RCC2: variants seen among roughly 807,000 people sequenced by gnomAD.
RCC2 encodes protein RCC2.
In RCC2, 19 loss-of-function variants were observed where a neutral mutation model predicts 64.1. The observed-to-expected ratio is 0.30, with a 90% CI of 0.21 to 0.44. The LOEUF is 0.44. Among genes scored for constraint, RCC2 ranks in the 20% least tolerant of loss-of-function variants. RCC2 has a pLI of 1.00. For synonymous variants in RCC2, 325 were observed against 279.6 expected (o/e 1.16, Z -1.62); for missense variants, 508 against 710.4 (o/e 0.72, Z 3.24).
At chr1:17,425,780 C>G in intron 3 of RCC2, 96 bp from the exon 4 acceptor site, 2 of 1,321,282 alleles carry the variant, frequency 1.5e-6, no homozygotes, top group Non-Finnish European at 2.1e-6. Flanking sequence ...CCGAGGGTAC[C>G]AGGGACAGGT....
At chr1:17,413,979 ATAT>A (rs2075454270) in intron 8 of RCC2, among the ~76,000 whole-genome samples, 1 of 152,076 alleles carries the variant, frequency 6.6e-6, no homozygotes, top group Non-Finnish European at 1.5e-5. Context: ...AACCAAAGAA[ATAT>A]CCTTTGCCTG....
intron 3 of RCC2, 67 bp from the exon 4 acceptor site, chr1:17,425,751 GCCA>G (rs1381401847): frequency 1.3e-6 from 2 of 1,508,358 alleles, no homozygotes; most frequent in African/African-American, 1.4e-5. Context: ...AATGTCACTG[GCCA>G]CCAAGCAGCC....
At chr1:17,417,480 C>T (rs925346194) in intron 7 of RCC2, among the ~76,000 whole-genome samples, 1 of 152,142 alleles carries the variant, frequency 6.6e-6, no homozygotes, top group Non-Finnish European at 1.5e-5. Context: ...CCAGCCTGGC[C>T]AACACAGTGA....
chr1:17,428,602 C>G (rs928836237), intron 3 of RCC2, among the ~76,000 whole-genome samples: 1 of 152,198 alleles, frequency 6.6e-6, no homozygotes, highest in South Asian at 2.1e-4. Flanking sequence ...CCAAAGGTAA[C>G]TGGGGACAAA....
chr1:17,416,876 C>T (rs1212479085), intron 7 of RCC2, among the ~76,000 whole-genome samples: 2 of 152,128 alleles, frequency 1.3e-5, no homozygotes, highest in Admixed American at 6.5e-5. Flanking sequence ...TTTTTAAAAA[C>T]GAATAGAACA....
intron 5 of RCC2, 56 bp downstream of exon 5, chr1:17,422,649 C>A: frequency 6.2e-7 from 1 of 1,604,478 alleles, no homozygotes. Flanking sequence ...ATCCCCAAGG[C>A]AGACCACCTG....
chr1:17,409,223 C>T, intron 12 of RCC2, 29 bp from the exon 13 acceptor site: 1 of 1,408,752 alleles, frequency 7.1e-7, no homozygotes, highest in Non-Finnish European at 1.0e-6. Flanking sequence ...GTTGGGTGTG[C>T]CTGAGGCGCC....
intron 4 of RCC2, 133 bp from the exon 5 acceptor site, chr1:17,422,969 G>T: frequency 5.3e-6 from 3 of 568,212 alleles, no homozygotes; most frequent in Non-Finnish European, 8.2e-6. Context: ...ATTCCCAACA[G>T]CCAAGATCCA....
intron 8 of RCC2, among the ~76,000 whole-genome samples, chr1:17,416,073 A>T (rs1314169942): frequency 2.4e-5 from 1 of 41,298 alleles, no homozygotes; most frequent in African/African-American, 9.6e-5. Context: ...GTCTCCAAAA[A>T]AAAAAGGGGG....
At chr1:17,421,293 G>A (rs1346219651) in intron 6 of RCC2, among the ~76,000 whole-genome samples, 1 of 151,998 alleles carries the variant, frequency 6.6e-6, no homozygotes, top group Non-Finnish European at 1.5e-5. Flanking sequence ...TCAAGAGATG[G>A]AGACCATCCT....
intron 7 of RCC2, among the ~76,000 whole-genome samples, chr1:17,418,651 G>A (rs1048879959): frequency 1.3e-5 from 2 of 151,946 alleles, no homozygotes; most frequent in African/African-American, 2.4e-5. Flanking sequence ...GCAAGACTCC[G>A]TATCAAAAAA....
At chr1:17,429,628 G>A (rs1557632267) in intron 2 of RCC2, among the ~76,000 whole-genome samples, 1 of 152,142 alleles carries the variant, frequency 6.6e-6, no homozygotes, top group Non-Finnish European at 1.5e-5. Flanking sequence ...TCAAACCTTA[G>A]GAGCCTCACA....
intron 2 of RCC2, among the ~76,000 whole-genome samples, chr1:17,429,527 T>C (rs1414070610): frequency 6.6e-6 from 1 of 152,132 alleles, no homozygotes; most frequent in Admixed American, 6.5e-5. Context: ...CAGAGGTATT[T>C]GCAGGAAGCC....
At position 17,416,619 on chromosome 1, in the gene RCC2, G is replaced by A. The variant is rs2075488715; in HGVS notation, c.887C>T (p.Ala296Val). Residue 296 changes from alanine to valine, a missense_variant, in exon 8 of 13, where the codon GCC (alanine) becomes GTC (valine). Coordinates refer to ENST00000375436, the MANE Select transcript of RCC2 (RefSeq NM_018715.4). ...LGHNSDGKFI[A>V]RAQRIEYDCE... is the part of the protein sequence containing the mutation. The stretch of plus-strand genomic sequence containing the variant: ...GTCGTACTCTATCCGCTGTGCCCGG[G>A]CGATGAACTTCCCATCTGAGTTGTG... The A allele has an allele frequency of 6.2e-7, 1 of 1,613,552 alleles. No individual in the cohort carries two copies. Among genetic ancestry groups the A allele is most frequent in the Non-Finnish European group, 8.5e-7 (1 of 1,179,882 alleles).
At chr1:17,414,284 C>T (rs916854714) in intron 8 of RCC2, among the ~76,000 whole-genome samples, 2 of 152,058 alleles carry the variant, frequency 1.3e-5, no homozygotes, top group Admixed American at 6.6e-5. Flanking sequence ...AATCCTAGCA[C>T]GTTGGGAGGC....
chr1:17,435,557 G>A (rs890237549), intron 2 of RCC2, among the ~76,000 whole-genome samples: 27 of 152,282 alleles, frequency 1.8e-4, no homozygotes, highest in African/African-American at 4.8e-5. Flanking sequence ...GGCCAACCCA[G>A]GACAAGGGGC....
intron 7 of RCC2, 71 bp downstream of exon 7, chr1:17,420,643 C>A (rs1479028400): frequency 1.0e-6 from 1 of 953,938 alleles, no homozygotes; most frequent in African/African-American, 1.6e-5. Flanking sequence ...GTGTGTGCAG[C>A]CCCACACTGA....
intron 1 of RCC2, 103 bp from the exon 2 acceptor site, chr1:17,438,625 C>T (rs990036694): frequency 2.6e-6 from 3 of 1,166,024 alleles, no homozygotes; most frequent in African/African-American, 3.2e-5. Flanking sequence ...CCTCCTCTGC[C>T]CTCCCCAAAG....
chr1:17,438,107 G>T lies in RCC2; in HGVS notation c.285+123C>A, dbSNP rs959150350. On this transcript the variant is annotated intron_variant, in intron 2 of 12. Transcript: ENST00000375436. Reference sequence around the variant, plus strand: ...AATGATTCAGCCCGCGGCCTGCGCCGGCCCGGCCGCCGGGAGGGAGCGTGA... The same window carrying T: ...AATGATTCAGCCCGCGGCCTGCGCCTGCCCGGCCGCCGGGAGGGAGCGTGA... 13 of 703,190 alleles carry T rather than the reference G, an allele frequency of 1.8e-5. No homozygotes were observed. The African/African-American group carries it at 2.3e-4, about 13-fold the overall frequency. The allele number at this position is 703,190 out of a possible 1,614,324, so 43.6% of individuals were successfully genotyped here.
Sources: allele counts gnomAD v4.1 joint callset (sites outside exome capture counted in the v4.1 genomes callset), GRCh38; gene constraint gnomAD v4.1.1; transcripts MANE v1.5; gene names NCBI Gene and HGNC (gene_info 2026-07-23, HGNC 2026-07-21).